Variants in CNTNAP2 observed in about 807,000 individuals in gnomAD.
CNTNAP2 encodes contactin-associated protein-like 2.
Under a neutral mutation model 155.2 loss-of-function variants are expected in CNTNAP2, and 98 were observed. The ratio of observed to expected loss-of-function variants is 0.63; its 90% CI spans 0.54 to 0.75. The LOEUF (loss-of-function observed/expected upper bound fraction) is 0.75. Ranked by LOEUF, CNTNAP2 falls within the 30% of genes least tolerant of loss-of-function variation. The probability of loss-of-function intolerance (pLI) is 0.00; values close to 1 mark genes in which losing one functional copy is unlikely to be tolerated. For synonymous variants in CNTNAP2, 651 were observed against 631.2 expected, an observed-to-expected ratio of 1.03 and a Z score of -0.47; for missense variants, 1,727 against 1,688.1, an observed-to-expected ratio of 1.02 and a Z score of -0.40.
chr7:147,474,047 G>A (rs1798272520), intron 10 of CNTNAP2, among the ~76,000 whole-genome samples: 1 of 151,734 alleles, frequency 6.6e-6, no homozygotes, highest in Admixed American at 6.6e-5. Context: ...CCACTGCACT[G>A]CAGCCTGGGA....
chr7:147,485,814 A>C (rs1798499007), intron 10 of CNTNAP2, 121 bp from the exon 11 acceptor site: 2 of 877,120 alleles, frequency 2.3e-6, no homozygotes, highest in Admixed American at 3.4e-5. Flanking sequence ...AACAAGGATT[A>C]ATTGCCTTGG....
Position 147,114,737 on chromosome 7 carries a change from T to C in CNTNAP2, c.755-6242T>C, listed in dbSNP as rs1160663068. On this transcript the variant is annotated intron_variant, in intron 5 of 23. Coordinates refer to ENST00000361727, the MANE Select transcript of CNTNAP2 (RefSeq NM_014141.6). ...TGAGATGGGTCTCTTGAAGACAGCA[T>C]ACCATTGGGTCTTGGCTCTTTATCC... Among the ~76,000 whole-genome samples the C allele has an allele frequency of 3.9e-5, 6 of 152,204 alleles. No homozygotes were observed. The East Asian group carries it at 9.6e-4, about 24-fold the overall frequency.
At chr7:146,247,045 T>C (rs1201416102) in intron 1 of CNTNAP2, among the ~76,000 whole-genome samples, 1 of 152,164 alleles carries the variant, frequency 6.6e-6, no homozygotes, top group Non-Finnish European at 1.5e-5. Flanking sequence ...ATTTAATTTT[T>C]GGAGTTGTAT....
At chr7:147,276,480 C>A (rs1804898975) in intron 8 of CNTNAP2, among the ~76,000 whole-genome samples, 1 of 151,952 alleles carries the variant, frequency 6.6e-6, no homozygotes, top group Non-Finnish European at 1.5e-5. Context: ...GTTTAAATTG[C>A]CACTTGTCTT....
chr7:146,435,324 T>C (rs1223567564), intron 1 of CNTNAP2, among the ~76,000 whole-genome samples: 1 of 152,240 alleles, frequency 6.6e-6, no homozygotes, highest in Non-Finnish European at 1.5e-5. Context: ...TCTCCACCAC[T>C]GCAAAAAGTG....
chr7:146,299,448 A>T (rs549206885), intron 1 of CNTNAP2, among the ~76,000 whole-genome samples: 1 of 152,086 alleles, frequency 6.6e-6, no homozygotes, highest in Non-Finnish European at 1.5e-5. Flanking sequence ...CAGTGTCACG[A>T]TCATAGCTCA....
At chr7:147,296,322 G>A (rs527496930) in intron 8 of CNTNAP2, among the ~76,000 whole-genome samples, 2 of 152,298 alleles carry the variant, frequency 1.3e-5, no homozygotes, top group East Asian at 3.9e-4. Flanking sequence ...ATGCTATGGT[G>A]AAGATAGGGT....
chr7:148,043,562 T>C (rs979395507), intron 15 of CNTNAP2, among the ~76,000 whole-genome samples: 7 of 152,226 alleles, frequency 4.6e-5, no homozygotes, highest in Admixed American at 3.9e-4. Flanking sequence ...GAAATCTTTT[T>C]TCTTCGGCTC....
At chr7:147,541,115 TA>T (rs1433930117) in intron 11 of CNTNAP2, among the ~76,000 whole-genome samples, 2 of 152,120 alleles carry the variant, frequency 1.3e-5, no homozygotes. Context: ...GTATACGATA[TA>T]GGGGGAAGAT....
intron 21 of CNTNAP2, among the ~76,000 whole-genome samples, chr7:148,348,664 T>G (rs2116593901): frequency 6.6e-6 from 1 of 152,260 alleles, no homozygotes; most frequent in African/African-American, 2.4e-5. Flanking sequence ...CATTTGTTTG[T>G]AAGCACCGTC....
intron 13 of CNTNAP2, among the ~76,000 whole-genome samples, chr7:147,716,444 C>T (rs1265074007): frequency 6.6e-6 from 1 of 152,062 alleles, no homozygotes; most frequent in East Asian, 1.9e-4. Context: ...CTGGTTAGGA[C>T]TAAGTGTGCC....
intron 1 of CNTNAP2, among the ~76,000 whole-genome samples, chr7:146,729,139 G>A (rs1229393090): frequency 6.6e-6 from 1 of 152,218 alleles, no homozygotes; most frequent in African/African-American, 2.4e-5. Flanking sequence ...CTTCTGATGA[G>A]TCTTTCCATT....
intron 4 of CNTNAP2, among the ~76,000 whole-genome samples, chr7:147,051,192 A>ATG (rs1563058243): frequency 4.8e-5 from 7 of 147,092 alleles, no homozygotes; most frequent in Admixed American, 1.4e-4. Context: ...ATGTATATAT[A>ATG]TATATATATA....
At chr7:146,651,950 G>T (rs559050457) in intron 1 of CNTNAP2, among the ~76,000 whole-genome samples, 1 of 152,060 alleles carries the variant, frequency 6.6e-6, no homozygotes, top group Admixed American at 6.6e-5. Flanking sequence ...TGATAGGCTG[G>T]CTATCCTAAT....
At chr7:146,380,982 TAG>T (rs1394012147) in intron 1 of CNTNAP2, among the ~76,000 whole-genome samples, 1 of 151,114 alleles carries the variant, frequency 6.6e-6, no homozygotes, top group Non-Finnish European at 1.5e-5. Context: ...GTATTTTTAG[TAG>T]AGACAGGGTT....
At position 146,973,307 on chromosome 7, in the gene CNTNAP2, C is replaced by T. The variant is rs148648974; in HGVS notation, c.403-70600C>T. Among the ~76,000 whole-genome samples, 534 of 152,240 alleles carry T rather than the reference C, an allele frequency of 3.5e-3. 7 individuals are homozygous for T. Among genetic ancestry groups the T allele is most frequent in the African/African-American group, 0.012 (485 of 41,548 alleles). ...CCTCCCAAAGTGCTGAGATTACAGGCGTGAGCCACCGCGCCTGGCCCACAC... is the reference window on the plus strand; with the variant it reads ...CCTCCCAAAGTGCTGAGATTACAGGTGTGAGCCACCGCGCCTGGCCCACAC... On this transcript the variant is annotated intron_variant, in intron 3 of 23. Coordinates refer to ENST00000361727, the MANE Select transcript of CNTNAP2 (RefSeq NM_014141.6).
intron 21 of CNTNAP2, among the ~76,000 whole-genome samples, chr7:148,379,455 G>C (rs1160638391): frequency 6.6e-6 from 1 of 151,644 alleles, no homozygotes; most frequent in Non-Finnish European, 1.5e-5. Flanking sequence ...TATAATCCCA[G>C]CACTCTGGGA....
rs78619388 is a variant in CNTNAP2 at position 147,560,662 on chromosome 7, G to A, written c.1778-1476G>A. ...ACACGGTTTCGAAGGTCTTCTATCC[G>A]TGTTGTTCACAGCTGTATCTGCAAT... On this transcript the variant is annotated intron_variant, in intron 11 of 23. Coordinates refer to ENST00000361727, the MANE Select transcript of CNTNAP2 (RefSeq NM_014141.6). Among the ~76,000 whole-genome samples, 511 of 151,922 alleles carry A rather than the reference G, an allele frequency of 3.4e-3. 2 individuals carry two copies. Among genetic ancestry groups the A allele is most frequent in the African/African-American group, 0.011 (472 of 41,384 alleles).
chr7:147,141,340 G>A (rs1279242304), intron 8 of CNTNAP2, among the ~76,000 whole-genome samples: 1 of 152,068 alleles, frequency 6.6e-6, no homozygotes, highest in Non-Finnish European at 1.5e-5. Flanking sequence ...CTAAAAGAAT[G>A]TTTATCTTCA....
Sources: allele counts gnomAD v4.1 joint callset (sites outside exome capture counted in the v4.1 genomes callset), GRCh38; gene constraint gnomAD v4.1.1; transcripts MANE v1.5; gene names NCBI Gene and HGNC (gene_info 2026-07-23, HGNC 2026-07-21).